The following BBS9 variants were observed in gnomAD, a reference collection of about 807,000 sequenced individuals.
The protein encoded by BBS9 is Bardet-Biedl syndrome 9, also known as protein PTHB1.
BBS9 carries 89 observed loss-of-function variants against 117.7 expected under a neutral mutation model. The ratio of observed to expected loss-of-function variants is 0.76; its 90% CI spans 0.64 to 0.90. The LOEUF is 0.90. Among genes scored for constraint, BBS9 ranks in the 40% least tolerant of loss-of-function variants. The probability of loss-of-function intolerance (pLI) is 0.00; values close to 1 mark genes in which losing one functional copy is unlikely to be tolerated. For synonymous variants in BBS9, 379 were observed against 370.9 expected, an observed-to-expected ratio of 1.02 and a Z score of -0.25; for missense variants, 982 against 1,042.2, an observed-to-expected ratio of 0.94 and a Z score of 0.80.
intron 21 of BBS9, among the ~76,000 whole-genome samples, chr7:33,597,815 C>T (rs1363952876): frequency 6.6e-6 from 1 of 150,678 alleles, no homozygotes; most frequent in African/African-American, 2.4e-5. Flanking sequence ...GTGATTAAAC[C>T]TAAAGCTACA....
chr7:33,588,905 A>T (rs988113149), intron 21 of BBS9, among the ~76,000 whole-genome samples: 3 of 152,086 alleles, frequency 2.0e-5, no homozygotes, highest in African/African-American at 7.2e-5. Context: ...GTAGGAGAGG[A>T]GGCTGGAGGG....
chr7:33,598,286 C>T (rs113821111), intron 21 of BBS9, among the ~76,000 whole-genome samples: 137 of 150,598 alleles, frequency 9.1e-4, no homozygotes, highest in African/African-American at 3.2e-3. Context: ...ATAAGAAGGA[C>T]ATCAGACAAA....
chr7:33,625,105 G>T (rs1284986551), intron 21 of BBS9, among the ~76,000 whole-genome samples: 2 of 152,128 alleles, frequency 1.3e-5, no homozygotes, highest in African/African-American at 4.8e-5. Context: ...TTCTATGAGG[G>T]AAAGGTCATT....
rs570828387 is a variant in BBS9, at chr7:33,304,537, G to A, written c.1016+30581G>A. Among the ~76,000 whole-genome samples, 20 of 151,036 alleles carry A rather than the reference G, an allele frequency of 1.3e-4. 1 individual carries two copies. Among genetic ancestry groups the A allele is most frequent in the Admixed American group, 7.2e-4 (11 of 15,214 alleles). On this transcript the variant is annotated intron_variant, in intron 9 of 22. Coordinates refer to ENST00000242067, the MANE Select transcript of BBS9 (RefSeq NM_198428.3). ...TGGGATCTGAGGAGCGTCTCTCCTCGGCTGCCCTGTCTGGGAAGTGAGGAG... is the reference window on the plus strand; with the variant it reads ...TGGGATCTGAGGAGCGTCTCTCCTCAGCTGCCCTGTCTGGGAAGTGAGGAG...
chr7:33,520,737 C>A (rs1475233498), intron 20 of BBS9, among the ~76,000 whole-genome samples: 5 of 152,284 alleles, frequency 3.3e-5, no homozygotes, highest in Middle Eastern at 3.4e-3. Context: ...GTGTTGCAGG[C>A]CACATAGCTA....
chr7:33,299,811 C>A (rs112387756), intron 9 of BBS9, among the ~76,000 whole-genome samples: 1 of 151,982 alleles, frequency 6.6e-6, no homozygotes, highest in East Asian at 1.9e-4. Flanking sequence ...CGCTTAGAAA[C>A]GTTAGCAAAC....
At chr7:33,565,794 T>C (rs1453667560) in intron 21 of BBS9, among the ~76,000 whole-genome samples, 1 of 38,774 alleles carries the variant, frequency 2.6e-5, no homozygotes, top group East Asian at 1.0e-3. Context: ...TATATATATA[T>C]ATATATATAT....
chr7:33,336,802 G>C (rs141334714), intron 10 of BBS9, among the ~76,000 whole-genome samples, 180 bp downstream of exon 10: 70 of 152,170 alleles, frequency 4.6e-4, no homozygotes, highest in African/African-American at 1.6e-3. Flanking sequence ...TGTATGTTAT[G>C]GCTTCTGAAA....
At chr7:33,578,165 C>G (rs567357058) in intron 21 of BBS9, among the ~76,000 whole-genome samples, 173 of 152,318 alleles carry the variant, frequency 1.1e-3, no homozygotes, top group African/African-American at 4.0e-3. Context: ...TGCCTTCACA[C>G]AAGTTATCAC....
chr7:33,456,316 GA>G (rs1364222912), intron 19 of BBS9, among the ~76,000 whole-genome samples: 1 of 151,998 alleles, frequency 6.6e-6, no homozygotes, highest in Admixed American at 6.6e-5. Flanking sequence ...CATAATGAAG[GA>G]AAAAATGTGC....
chr7:33,550,874 G>A (rs766448929), intron 21 of BBS9, among the ~76,000 whole-genome samples: 1 of 151,974 alleles, frequency 6.6e-6, no homozygotes, highest in Admixed American at 6.6e-5. Context: ...TCTCAACTCT[G>A]TATATTATTT....
intron 5 of BBS9, among the ~76,000 whole-genome samples, chr7:33,220,204 G>T (rs985933990): frequency 6.6e-6 from 1 of 152,144 alleles, no homozygotes; most frequent in African/African-American, 2.4e-5. Flanking sequence ...TGCAGATGAG[G>T]AAACTATTCA....
intron 5 of BBS9, among the ~76,000 whole-genome samples, chr7:33,200,591 T>C (rs1785674803): frequency 6.6e-6 from 1 of 152,204 alleles, no homozygotes; most frequent in Non-Finnish European, 1.5e-5. Flanking sequence ...TTTATTTATA[T>C]TGCCTTACAA....
chr7:33,310,575 A>G (rs900132773), intron 9 of BBS9, among the ~76,000 whole-genome samples: 1 of 152,204 alleles, frequency 6.6e-6, no homozygotes, highest in Non-Finnish European at 1.5e-5. Context: ...CAGGCATTAA[A>G]AGGGACTGCC....
intron 16 of BBS9, among the ~76,000 whole-genome samples, chr7:33,358,812 G>A (rs1436309429): frequency 6.6e-6 from 1 of 151,864 alleles, no homozygotes; most frequent in East Asian, 1.9e-4. Flanking sequence ...TAGTGGATAA[G>A]ATTTAGGATA....
intron 3 of BBS9, 24 bp from the exon 4 acceptor site, chr7:33,155,614 T>G: frequency 6.4e-7 from 1 of 1,562,944 alleles, no homozygotes; most frequent in South Asian, 1.1e-5. Flanking sequence ...TTGGAAAACT[T>G]TAAAAACTTT....
intron 19 of BBS9, among the ~76,000 whole-genome samples, chr7:33,465,819 T>C (rs950705304): frequency 2.6e-5 from 4 of 152,162 alleles, no homozygotes; most frequent in African/African-American, 9.6e-5. Flanking sequence ...TATATATTAT[T>C]ATTTTCTTGC....
At chr7:33,598,145 C>T (rs1367890460) in intron 21 of BBS9, among the ~76,000 whole-genome samples, 1 of 151,824 alleles carries the variant, frequency 6.6e-6, no homozygotes, top group African/African-American at 2.4e-5. Flanking sequence ...TCTCTGTTCA[C>T]TCCCCACTTG....
chr7:33,197,220 A>G (rs1583579948), intron 5 of BBS9, among the ~76,000 whole-genome samples: 1 of 152,150 alleles, frequency 6.6e-6, no homozygotes, highest in African/African-American at 2.4e-5. Flanking sequence ...GGTGGTCTTG[A>G]TAGGATTTGA....
Sources: allele counts gnomAD v4.1 joint callset (sites outside exome capture counted in the v4.1 genomes callset), GRCh38; gene constraint gnomAD v4.1.1; transcripts MANE v1.5; gene names NCBI Gene and HGNC (gene_info 2026-07-23, HGNC 2026-07-21).